SLC16A7: variants seen among roughly 807,000 people sequenced by gnomAD.
SLC16A7 encodes the protein monocarboxylate transporter 2.
A neutral mutation model predicts 34.9 loss-of-function variants in SLC16A7; 33 were observed. The observed-to-expected ratio is 0.94, with a 90% CI of 0.72 to 1.26. The LOEUF is 1.26. Ranked by LOEUF, SLC16A7 falls within the 50% of genes most tolerant of loss-of-function variation. The pLI is 0.00. For synonymous variants in SLC16A7, 201 were observed against 206.6 expected (o/e 0.97, Z 0.23); for missense variants, 573 against 578.1 (o/e 0.99, Z 0.09).
At chr12:59,667,759 C>T (rs1439006625) in intron 2 of SLC16A7, among the ~76,000 whole-genome samples, 2 of 152,222 alleles carry the variant, frequency 1.3e-5, no homozygotes, top group Non-Finnish European at 2.9e-5. Context: ...AAGAAAACGT[C>T]TCCAGGGTAT....
At chr12:59,719,215 T>A (rs1875277876) in intron 3 of SLC16A7, among the ~76,000 whole-genome samples, 1 of 152,306 alleles carries the variant, frequency 6.6e-6, no homozygotes, top group South Asian at 2.1e-4. Flanking sequence ...TATTTGTGAA[T>A]TCATGTTTGT....
intron 3 of SLC16A7, among the ~76,000 whole-genome samples, chr12:59,751,997 G>T (rs910701176): frequency 6.6e-6 from 1 of 152,112 alleles, no homozygotes; most frequent in African/African-American, 2.4e-5. Context: ...AGGCAAACAG[G>T]GTCTGGAGTG....
intron 2 of SLC16A7, among the ~76,000 whole-genome samples, chr12:59,669,914 T>G (rs1391795639): frequency 6.6e-6 from 1 of 152,182 alleles, no homozygotes; most frequent in Non-Finnish European, 1.5e-5. Flanking sequence ...ATAATGTGAA[T>G]TTATATAAAA....
chr12:59,611,781 A>T (rs1160293066), intron 1 of SLC16A7, among the ~76,000 whole-genome samples: 2 of 152,232 alleles, frequency 1.3e-5, no homozygotes, highest in African/African-American at 4.8e-5. Context: ...TCTGGGCCCC[A>T]TGCAAGTCTG....
At chr12:59,689,594 T>G (rs571464855) in intron 2 of SLC16A7, 18 of 149,742 alleles carry the variant, frequency 1.2e-4, no homozygotes, top group African/African-American at 4.1e-4. Context: ...TCCTGTGGGG[T>G]TTTTTTTATT....
At chr12:59,621,804 G>A (rs1879707774) in intron 1 of SLC16A7, among the ~76,000 whole-genome samples, 1 of 151,720 alleles carries the variant, frequency 6.6e-6, no homozygotes, top group South Asian at 2.1e-4. Context: ...GGGTTGGGGT[G>A]GGGATGTGGG....
chr12:59,670,280 C>T (rs1010441431), intron 2 of SLC16A7, among the ~76,000 whole-genome samples: 1 of 152,094 alleles, frequency 6.6e-6, no homozygotes, highest in Non-Finnish European at 1.5e-5. Context: ...CCATTGTGAC[C>T]TCATCTTAAC....
chr12:59,761,832 T>A (rs527248906), intron 3 of SLC16A7, among the ~76,000 whole-genome samples: 5 of 152,208 alleles, frequency 3.3e-5, no homozygotes, highest in Admixed American at 1.3e-4. Context: ...TCCCTTGGTT[T>A]CAAGGCTTTA....
At chr12:59,740,048 A>G (rs1030879521) in intron 3 of SLC16A7, among the ~76,000 whole-genome samples, 1 of 151,168 alleles carries the variant, frequency 6.6e-6, no homozygotes, top group African/African-American at 2.4e-5. Flanking sequence ...CTTTAGTTTA[A>G]TTAGATCCCA....
At chr12:59,629,417 T>C (rs1185564606) in intron 1 of SLC16A7, among the ~76,000 whole-genome samples, 1 of 152,006 alleles carries the variant, frequency 6.6e-6, no homozygotes, top group African/African-American at 2.4e-5. Context: ...ATTCAGAAGC[T>C]ATGTGCCTAT....
At chr12:59,662,009 AG>A (rs1868878018) in intron 2 of SLC16A7, among the ~76,000 whole-genome samples, 1 of 144,926 alleles carries the variant, frequency 6.9e-6, no homozygotes, top group Non-Finnish European at 1.5e-5. Flanking sequence ...TTCCAGGAAA[AG>A]AATAGAAAAA....
At chr12:59,614,139 C>T (rs1480563772) in intron 1 of SLC16A7, among the ~76,000 whole-genome samples, 1 of 151,866 alleles carries the variant, frequency 6.6e-6, no homozygotes, top group African/African-American at 2.4e-5. Flanking sequence ...CAGCCTTCGC[C>T]TCCTGGGTTC....
chr12:59,722,500 C>G (rs1366291517), intron 3 of SLC16A7, among the ~76,000 whole-genome samples: 1 of 151,796 alleles, frequency 6.6e-6, no homozygotes, highest in East Asian at 1.9e-4. Context: ...ATCTACTCTC[C>G]CTGCTATCTC....
intron 4 of SLC16A7, 25 bp from the exon 5 acceptor site, chr12:59,774,632 C>A: frequency 7.0e-7 from 1 of 1,436,532 alleles, no homozygotes; most frequent in Non-Finnish European, 9.5e-7. Context: ...TGTGTTTTCC[C>A]CCACTTTTGT....
chr12:59,636,162 G>A (rs1880415826), intron 1 of SLC16A7, among the ~76,000 whole-genome samples: 1 of 151,824 alleles, frequency 6.6e-6, no homozygotes, highest in Non-Finnish European at 1.5e-5. Flanking sequence ...AAACTGTGTA[G>A]GTTCTAAATT....
chr12:59,654,797 ATGG>A, intron 1 of SLC16A7, among the ~76,000 whole-genome samples: 1 of 151,880 alleles, frequency 6.6e-6, no homozygotes, highest in Non-Finnish European at 1.5e-5. Flanking sequence ...AATCCCAAAG[ATGG>A]TGGACTGAAA....
chr12:59,631,948 G>T (rs958272633), intron 1 of SLC16A7, among the ~76,000 whole-genome samples: 2 of 151,878 alleles, frequency 1.3e-5, no homozygotes, highest in African/African-American at 4.8e-5. Context: ...AGTGGGGTGG[G>T]AAGAAATAAA....
chr12:59,666,879 G>A (rs946676168), intron 2 of SLC16A7, among the ~76,000 whole-genome samples: 4 of 152,202 alleles, frequency 2.6e-5, no homozygotes, highest in Admixed American at 6.5e-5. Context: ...CATTAGAACT[G>A]GGTAACAGGC....
At chr12:59,739,053 T>A (rs936989835) in intron 3 of SLC16A7, among the ~76,000 whole-genome samples, 11 of 150,696 alleles carry the variant, frequency 7.3e-5, no homozygotes, top group African/African-American at 2.7e-4. Flanking sequence ...TATTTTATTA[T>A]TATTATACTT....
Sources: allele counts gnomAD v4.1 joint callset (sites outside exome capture counted in the v4.1 genomes callset), GRCh38; gene constraint gnomAD v4.1.1; transcripts MANE v1.5; gene names NCBI Gene and HGNC (gene_info 2026-07-23, HGNC 2026-07-21).